Variants in GSTA2 observed in about 807,000 individuals in gnomAD.
GSTA2 encodes glutathione S-transferase alpha 2, also known as glutathione S-transferase A2.
In GSTA2, 27 loss-of-function variants were observed where a neutral mutation model predicts 22.4. The observed-to-expected ratio is 1.21, with a 90% CI of 0.89 to 1.67. The LOEUF (loss-of-function observed/expected upper bound fraction) is 1.67. GSTA2 is among the 40% of genes most tolerant of loss of function. The probability of loss-of-function intolerance (pLI) is 0.00; values close to 1 mark genes in which losing one functional copy is unlikely to be tolerated. For missense variants in GSTA2, 302 were observed against 260.2 expected (o/e 1.16, Z -1.11); for synonymous variants, 121 against 86.8 (o/e 1.39, Z -2.19).
chr6:52,750,523 T>G lies in GSTA2; in HGVS notation c.*54A>C. 1 of 1,589,644 alleles carries G rather than the reference T, an allele frequency of 6.3e-7. No homozygotes were observed. Among genetic ancestry groups the G allele is most frequent in the East Asian group, 2.2e-5 (1 of 44,682 alleles). ...ACACTTAGGTAAAGCACTTAATTGT[T>G]GCAAAACTTTAGAATACTGGTCTTG... On this transcript the variant is annotated 3_prime_UTR_variant, in exon 7 of 7. Coordinates refer to ENST00000493422, the MANE Select transcript of GSTA2 (RefSeq NM_000846.5).
chr6:52,752,318 A>G (rs1188622697), intron 5 of GSTA2, among the ~76,000 whole-genome samples: 1 of 152,210 alleles, frequency 6.6e-6, no homozygotes, highest in Non-Finnish European at 1.5e-5. Context: ...TTTAGGAGTG[A>G]ACTGCTCTGA....
chr6:52,756,946 A>T (rs1291635367), intron 2 of GSTA2, among the ~76,000 whole-genome samples: 2 of 150,372 alleles, frequency 1.3e-5, no homozygotes, highest in African/African-American at 2.5e-5. Context: ...CTGGTTTCTG[A>T]TGTGGTTTTG....
intron 6 of GSTA2, among the ~76,000 whole-genome samples, chr6:52,751,224 C>G (rs1037840225): frequency 1.3e-5 from 2 of 152,142 alleles, no homozygotes; most frequent in Non-Finnish European, 2.9e-5. Context: ...GGAAAGGGCT[C>G]TGCTCAGACT....
intron 3 of GSTA2, 92 bp from the exon 4 acceptor site, chr6:52,755,167 G>A (rs1461178418): frequency 5.4e-6 from 8 of 1,481,522 alleles, no homozygotes; most frequent in Non-Finnish European, 6.4e-6. Context: ...GACTAAATTT[G>A]TAAAACGAAA....
rs753849765 is a variant in GSTA2, at chr6:52,752,989, A to G, written c.279T>C (p.Asp93=). The G allele has an allele frequency of 3.1e-6, 5 of 1,595,674 alleles. No homozygotes were observed. In the East Asian group the frequency reaches 6.7e-5, roughly 21 times the overall value. Residue 93 remains aspartate (D), a synonymous_variant, in exon 5 of 7, where the codon GAT becomes GAC. Transcript: ENST00000493422. ...GKDIKEKALI[D]MYIEGIADLG... is the part of the protein sequence containing the mutation. ...AATCTGCTATACCTTCTATATACAT[A>G]TCAATCCTGAAAGACAAAAACAACC...
chr6:52,759,411 A>C (rs1280999173), intron 1 of GSTA2, among the ~76,000 whole-genome samples: 2 of 152,160 alleles, frequency 1.3e-5, no homozygotes, highest in Non-Finnish European at 2.9e-5. Flanking sequence ...CATTGAAAGA[A>C]GGAGTTCCAG....
rs115200998 is a variant in GSTA2, at chr6:52,752,604, C to A, written c.414+250G>T. Among the ~76,000 whole-genome samples, 407 of 152,290 alleles carry A rather than the reference C, an allele frequency of 2.7e-3. 2 individuals are homozygous for A. The highest frequency in any genetic ancestry group is 9.3e-3 in the African/African-American group (387 of 41,562). ...ACATTCTACTTATGAACACAAAATT[C>A]TGTTGAACAGATAATTCCATATTGG... On this transcript the variant is annotated intron_variant, in intron 5 of 6. Coordinates refer to ENST00000493422, the MANE Select transcript of GSTA2 (RefSeq NM_000846.5).
chr6:52,761,541 C>T (rs1226970278), intron 1 of GSTA2, among the ~76,000 whole-genome samples: 1 of 146,498 alleles, frequency 6.8e-6, no homozygotes, highest in Non-Finnish European at 1.5e-5. Flanking sequence ...TGATGGCTCT[C>T]TGTTTCTCTC....
chr6:52,755,203 C>A, intron 3 of GSTA2, 128 bp from the exon 4 acceptor site: 96 of 1,072,104 alleles, frequency 9.0e-5, no homozygotes, highest in Non-Finnish European at 1.2e-4. Flanking sequence ...GGTAAGAGTT[C>A]ACTTGAAACA....
chr6:52,762,076 G>T (rs1302038559), intron 1 of GSTA2, among the ~76,000 whole-genome samples: 23 of 145,692 alleles, frequency 1.6e-4, no homozygotes. Flanking sequence ...CTTGTTAAAA[G>T]TCATCACTAT....
intron 1 of GSTA2, among the ~76,000 whole-genome samples, chr6:52,763,006 A>T (rs779785958): frequency 1.3e-5 from 2 of 152,118 alleles, no homozygotes; most frequent in South Asian, 2.1e-4. Context: ...ATTCAAACTA[A>T]TTTTTTCTAA....
At chr6:52,762,288 C>T (rs111387629) in intron 1 of GSTA2, among the ~76,000 whole-genome samples, 1 of 152,112 alleles carries the variant, frequency 6.6e-6, no homozygotes, top group Non-Finnish European at 1.5e-5. Context: ...AAGAGGAAGG[C>T]CTCTTTGCAG....
intron 1 of GSTA2, among the ~76,000 whole-genome samples, chr6:52,761,809 G>A (rs1762955221): frequency 6.6e-6 from 1 of 150,628 alleles, no homozygotes; most frequent in Non-Finnish European, 1.5e-5. Flanking sequence ...CTACAAATCA[G>A]ATAGGTAGAG....
chr6:52,751,636 G>T lies in GSTA2; in HGVS notation c.487C>A (p.Leu163Ile), dbSNP rs1295134282. Residue 163 changes from leucine (L) to isoleucine (I), a missense_variant, in exon 6 of 7, where the codon CTT becomes ATT. Physicochemically the swap from Leu to Ile is conservative, Grantham distance 5. Coordinates refer to ENST00000493422, the MANE Select transcript of GSTA2 (RefSeq NM_000846.5). The part of the protein sequence containing the change: ...LSRADIHLVE[L>I]LYYVEELDSS... Reference sequence around the variant, plus strand: ...TCAAGCTCTTCCACGTAGTAGAGAAGTTCCACCAGGTGAATGTCAGCCCGG... The same window carrying T: ...TCAAGCTCTTCCACGTAGTAGAGAATTTCCACCAGGTGAATGTCAGCCCGG... 1.9e-6 allele frequency: 3 copies of T among 1,614,060 alleles called. No homozygotes were observed. Among genetic ancestry groups the T allele is most frequent in the Non-Finnish European group, 2.5e-6 (3 of 1,180,026 alleles).
At position 52,752,773 on chromosome 6, in the gene GSTA2, A is replaced by C. The variant is rs1412736054; in HGVS notation, c.414+81T>G. ...GGAAGTATCACTGAAAGTGAAGATC[A>C]GTGCCCCAGGAATGCCCAGCCACTA... On this transcript the variant is annotated intron_variant, in intron 5 of 6. Coordinates refer to ENST00000493422, the MANE Select transcript of GSTA2 (RefSeq NM_000846.5). 5 of 1,558,008 alleles carry C rather than the reference A, an allele frequency of 3.2e-6. No homozygotes were observed. The East Asian group carries it at 9.0e-5, about 28-fold the overall frequency.
chr6:52,755,991 C>T (rs772848628), intron 3 of GSTA2, among the ~76,000 whole-genome samples: 2 of 152,074 alleles, frequency 1.3e-5, no homozygotes, highest in African/African-American at 2.4e-5. Flanking sequence ...ACTCACAGTA[C>T]CCCAAGCATG....
chr6:52,755,608 C>T (rs543151744), intron 3 of GSTA2, among the ~76,000 whole-genome samples: 43 of 152,020 alleles, frequency 2.8e-4, no homozygotes, highest in African/African-American at 1.0e-3. Flanking sequence ...TTTTGTTGCC[C>T]CTCCAGATAC....
rs1762835358 is a variant in GSTA2 at position 52,756,009 on chromosome 6, A to C, written c.139+249T>G. Among the ~76,000 whole-genome samples, 3 of 152,190 alleles carry C rather than the reference A, an allele frequency of 2.0e-5. No homozygotes were observed. In the South Asian group the frequency reaches 6.2e-4, roughly 32 times the overall value. ...CACAGTACCCCAAGCATGAAAACAAAGAAAGGGCTTTCTCAGGGGTGGGAG... is the reference window on the plus strand; with the variant it reads ...CACAGTACCCCAAGCATGAAAACAACGAAAGGGCTTTCTCAGGGGTGGGAG... On this transcript the variant is annotated intron_variant, in intron 3 of 6. Coordinates refer to ENST00000493422, the MANE Select transcript of GSTA2 (RefSeq NM_000846.5).
chr6:52,756,350 C>G (rs752321561), intron 2 of GSTA2, 41 bp from the exon 3 acceptor site: 56 of 1,460,942 alleles, frequency 3.8e-5, no homozygotes, highest in Non-Finnish European at 5.2e-5. Context: ...TTAGTTCATT[C>G]TATTATAGAC....
Sources: allele counts gnomAD v4.1 joint callset (sites outside exome capture counted in the v4.1 genomes callset), GRCh38; gene constraint gnomAD v4.1.1; transcripts MANE v1.5; gene names NCBI Gene and HGNC (gene_info 2026-07-23, HGNC 2026-07-21).